ERMN: variants seen among roughly 807,000 people sequenced by gnomAD.
ERMN encodes ermin, ERM-like protein.
In ERMN, 17 loss-of-function variants were observed where a neutral mutation model predicts 21.4. The observed-to-expected ratio is 0.80, with a 90% CI of 0.54 to 1.19. The LOEUF is 1.19. ERMN is among the 50% of genes most tolerant of loss of function. ERMN has a pLI of 0.00. For synonymous variants in ERMN, 115 were observed against 111.9 expected (o/e 1.03, Z -0.17); for missense variants, 348 against 331.6 (o/e 1.05, Z -0.38).
rs904491087 is a variant in ERMN at position 157,321,318 on chromosome 2, T to C, written c.808A>G (p.Asn270Asp). 1 of 1,614,022 alleles carries C rather than the reference T, an allele frequency of 6.2e-7. No homozygotes were observed. The highest frequency in any genetic ancestry group is 1.1e-5 in the South Asian group (1 of 91,068). The change falls in exon 3 of 3, where the codon AAT becomes GAT. Residue 270 changes from asparagine (N) to aspartate (D), a missense_variant. Physicochemically the swap from Asn to Asp is conservative, Grantham distance 23. Transcript: ENST00000410096. ...AATTCATCAATTCTTTGCTTGGTAT[T>C]TCCCTTTCTGATTTTCCGATAGGAT... ...TISYRKIRKG[N>D]TKQRIDEFES... is the part of the protein sequence containing the mutation.
chr2:157,321,728 C>T lies in ERMN; in HGVS notation c.398G>A (p.Arg133Lys), dbSNP rs1311285066. ...CTCTTTGAGAGGCTGCTCAGTAATC[C>T]TCTCCTTCTGTCTTCTTATTTCCTG... Reference protein sequence around the residue: ...SNQEIRRQKERITEQPLKEEE... With the variant: ...SNQEIRRQKEKITEQPLKEEE... Residue 133 changes from arginine to lysine, a missense_variant, in exon 3 of 3, where the codon AGG (arginine) becomes AAG (lysine). Transcript: ENST00000410096. 1.2e-6 allele frequency: 2 copies of T among 1,613,630 alleles called. No individual in the cohort carries two copies. The highest frequency in any genetic ancestry group is 4.5e-5 in the East Asian group (2 of 44,872).
chr2:157,324,846 G>A (rs1684020401), intron 1 of ERMN, 84 bp from the exon 2 acceptor site: 6 of 897,026 alleles, frequency 6.7e-6, no homozygotes, highest in Non-Finnish European at 9.9e-6. Context: ...TTAAACTCTA[G>A]GTAGAAGTCT....
In ERMN at chr2:157,319,001, A is replaced by T. The variant is rs929069034; in HGVS notation, c.*2270T>A. ...CAAATATGTTAAAAATCCCCCATGC[A>T]ATCTGAATCAGACCTTTGTCTTTCC... is the stretch of plus-strand genomic sequence containing the variant. On this transcript the variant is annotated 3_prime_UTR_variant, in exon 3 of 3. Transcript: ENST00000410096. 1 of 152,116 alleles carries T rather than the reference A, an allele frequency of 6.6e-6. No homozygotes were observed. Among genetic ancestry groups the T allele is most frequent in the Non-Finnish European group, 1.5e-5 (1 of 68,004 alleles). The allele number at this position is 152,116 out of a possible 1,614,324, so 9.4% of individuals were successfully genotyped here. A position where few individuals can be genotyped will look rare whatever the true frequency, so the allele number is the denominator to read the frequency against.
At chr2:157,327,559 C>T, upstream of ERMN, 4 of 745,056 alleles carry the variant, frequency 5.4e-6, no homozygotes, top group Non-Finnish European at 7.5e-6. Context: ...TTAAGGAGTT[C>T]AGCTAGTAAG....
chr2:157,321,934 T>C, intron 2 of ERMN, 143 bp from the exon 3 acceptor site: 1 of 741,590 alleles, frequency 1.3e-6, no homozygotes, highest in Non-Finnish European at 2.1e-6. Flanking sequence ...GTTACCAATA[T>C]GTTTTGCACA....
intron 2 of ERMN, among the ~76,000 whole-genome samples, chr2:157,322,196 T>C (rs1048091597): frequency 2.0e-5 from 3 of 151,618 alleles, no homozygotes; most frequent in African/African-American, 7.3e-5. Flanking sequence ...CGTGCACATG[T>C]AAAAGGAAAT....
intron 1 of ERMN, 144 bp downstream of exon 1, chr2:157,325,258 G>T: frequency 9.1e-7 from 1 of 1,099,122 alleles, no homozygotes; most frequent in African/African-American, 1.6e-5. Flanking sequence ...CAGAGGCAGA[G>T]GTTTAGTCCT....
chr2:157,327,639 G>A, upstream of ERMN: 1 of 602,702 alleles, frequency 1.7e-6, no homozygotes, highest in East Asian at 2.9e-5. Flanking sequence ...TCCCTGGCCT[G>A]TGTGCAGATG....
Position 157,321,383 on chromosome 2 carries a change from C to T in ERMN, c.743G>A (p.Ser248Asn). Reference protein sequence around the residue: ...PDEQPTLGKKSDISRNAYSRY... With the variant: ...PDEQPTLGKKNDISRNAYSRY... ...GGAATAAGCATTTCTGGAGATATCACTCTTCTTCCCTAAGGTTGGCTGCTC... is the reference window on the plus strand; with the variant it reads ...GGAATAAGCATTTCTGGAGATATCATTCTTCTTCCCTAAGGTTGGCTGCTC... The change falls in exon 3 of 3, where the codon AGT becomes AAT. Residue 248 changes from serine to asparagine, a missense_variant. Physicochemically the swap from Ser to Asn is conservative, Grantham distance 46. Coordinates refer to ENST00000410096, the MANE Select transcript of ERMN (RefSeq NM_020711.3). The T allele has an allele frequency of 1.9e-6, 3 of 1,614,124 alleles. No homozygotes were observed. Among genetic ancestry groups the T allele is most frequent in the Non-Finnish European group, 2.5e-6 (3 of 1,180,002 alleles).
At chr2:157,323,619 G>A (rs1407996502) in intron 2 of ERMN, among the ~76,000 whole-genome samples, 1 of 152,110 alleles carries the variant, frequency 6.6e-6, no homozygotes, top group Non-Finnish European at 1.5e-5. Flanking sequence ...AGCTAAATTG[G>A]TTAGGTTTAG....
chr2:157,327,583 C>A, upstream of ERMN: 1 of 710,394 alleles, frequency 1.4e-6, no homozygotes, highest in Non-Finnish European at 2.6e-6. Flanking sequence ...ACAGAGCCAG[C>A]AAGCCTACTG....
rs929557703 is a variant in ERMN at position 157,319,083 on chromosome 2, A to T, written c.*2188T>A. 1 of 151,988 alleles carries T rather than the reference A, an allele frequency of 6.6e-6. No individual in the cohort carries two copies. Among genetic ancestry groups the T allele is most frequent in the Non-Finnish European group, 1.5e-5 (1 of 67,928 alleles). 9.4% of individuals were successfully genotyped at this position (151,988 alleles called of 1,614,324 possible). On this transcript the variant is annotated 3_prime_UTR_variant, in exon 3 of 3. Coordinates refer to ENST00000410096, the MANE Select transcript of ERMN (RefSeq NM_020711.3). ...ACCATTATGTTACCTGAGGTCACTT[A>T]ACTCTGTGGCTTTCAACTCTGTGGC...
rs779542501 is a variant in ERMN, at chr2:157,321,336, G to A, written c.790C>T (p.Arg264Trp). 1.5e-5 allele frequency: 24 copies of A among 1,613,904 alleles called. No individual in the cohort carries two copies. The highest frequency in any genetic ancestry group is 4.0e-5 in the African/African-American group (3 of 74,968). Residue 264 changes from arginine (R) to tryptophan (W), a missense_variant, in exon 3 of 3, where the codon CGG becomes TGG. Coordinates refer to ENST00000410096, the MANE Select transcript of ERMN (RefSeq NM_020711.3). ...TTGGTATTTCCCTTTCTGATTTTCC[G>A]ATAGGATATTGTATTGTATCTGGAA... ...AYSRYNTISY[R>W]KIRKGNTKQR...
chr2:157,325,281 A>G, intron 1 of ERMN, 121 bp downstream of exon 1: 3 of 1,277,930 alleles, frequency 2.3e-6, no homozygotes, highest in Non-Finnish European at 3.4e-6. Flanking sequence ...TACTATGCGT[A>G]GTAGAATAAA....
Position 157,319,319 on chromosome 2 carries a change from C to A in ERMN, c.*1952G>T, listed in dbSNP as rs1043631510. On this transcript the variant is annotated 3_prime_UTR_variant, in exon 3 of 3. Transcript: ENST00000410096. Reference sequence around the variant, plus strand: ...GAGAGCACAGAGCTAAGAGGACCAGCGTTAGCATATATTAGAGTCCCTTAA... The same window carrying A: ...GAGAGCACAGAGCTAAGAGGACCAGAGTTAGCATATATTAGAGTCCCTTAA... 1.3e-5 allele frequency: 2 copies of A among 152,118 alleles called. No individual in the cohort carries two copies. The highest frequency in any genetic ancestry group is 1.5e-5 in the Non-Finnish European group (1 of 67,998). 9.4% of individuals were successfully genotyped at this position (152,118 alleles called of 1,614,324 possible).
At position 157,319,534 on chromosome 2, in the gene ERMN, TA is replaced by T. The variant is rs1247188265; in HGVS notation, c.*1736del. On this transcript the variant is annotated 3_prime_UTR_variant, in exon 3 of 3. Coordinates refer to ENST00000410096, the MANE Select transcript of ERMN (RefSeq NM_020711.3). ...AGTCGAAAATTGTAGGGGTTATCAGTAACCTAGAAAAGAAAACAGCTTGTCC... is the reference window on the plus strand; with the variant it reads ...AGTCGAAAATTGTAGGGGTTATCAGTACCTAGAAAAGAAAACAGCTTGTCC... 4 of 152,156 alleles carry T rather than the reference TA, an allele frequency of 2.6e-5. No homozygotes were observed. Among genetic ancestry groups the T allele is most frequent in the Non-Finnish European group, 2.9e-5 (2 of 68,004 alleles). The allele number at this position is 152,156 out of a possible 1,614,324, so 9.4% of individuals were successfully genotyped here. A position where few individuals can be genotyped will look rare whatever the true frequency, so the allele number is the denominator to read the frequency against.
intron 1 of ERMN, chr2:157,325,199 G>C (rs1487382021): frequency 2.7e-6 from 2 of 737,208 alleles, no homozygotes; most frequent in African/African-American, 1.7e-5. Flanking sequence ...TCGGGAGACA[G>C]AAAGTTGTCT....
chr2:157,321,271 T>G lies in ERMN; in HGVS notation c.855A>C (p.Ter285TyrextTer5). 1 of 1,611,302 alleles carries G rather than the reference T, an allele frequency of 6.2e-7. No individual in the cohort carries two copies. Among genetic ancestry groups the G allele is most frequent in the South Asian group, 1.1e-5 (1 of 90,910 alleles). The change falls in exon 3 of 3, where the codon TAA becomes TAC. Residue 285 changes from the stop codon to tyrosine, a stop_lost. Coordinates refer to ENST00000410096, the MANE Select transcript of ERMN (RefSeq NM_020711.3). ...TGAGAATTTCTCAGTTCCAGTTAGT[T>G]TATAAATGCATCATAGACTCGAATT... is the stretch of plus-strand genomic sequence containing the variant. ...IDEFESMMHL[*>Y]
Position 157,324,705 on chromosome 2 carries a change from T to A in ERMN, c.299A>T (p.Gln100Leu). Residue 100 changes from glutamine (Q) to leucine (L), a missense_variant, in exon 2 of 3, where the codon CAA becomes CTA. Physicochemically the swap from Gln to Leu is moderately radical, Grantham distance 113. Coordinates refer to ENST00000410096, the MANE Select transcript of ERMN (RefSeq NM_020711.3). Reference protein sequence around the residue: ...VHKAITDLSLQETSADEMTFR... With the variant: ...VHKAITDLSLLETSADEMTFR... ...TGTCATTTCATCAGCACTAGTTTCT[T>A]GGAGAGAAAGATCTGTGATAGCCTT... The A allele has an allele frequency of 6.2e-7, 1 of 1,613,758 alleles. No homozygotes were observed. Among genetic ancestry groups the A allele is most frequent in the Non-Finnish European group, 8.5e-7 (1 of 1,179,776 alleles).
Sources: allele counts gnomAD v4.1 joint callset (sites outside exome capture counted in the v4.1 genomes callset), GRCh38; gene constraint gnomAD v4.1.1; transcripts MANE v1.5; gene names NCBI Gene and HGNC (gene_info 2026-07-23, HGNC 2026-07-21).